IFT74: variants seen among roughly 807,000 people sequenced by gnomAD.
IFT74 encodes the protein intraflagellar transport protein 74 homolog.
In IFT74, 92 loss-of-function variants were observed where a neutral mutation model predicts 96.7. The observed-to-expected ratio is 0.95, with a 90% confidence interval of 0.80 to 1.13. The LOEUF (loss-of-function observed/expected upper bound fraction) is 1.13. Ranked by LOEUF, IFT74 falls within the 50% of genes most tolerant of loss-of-function variation. IFT74 has a pLI of 0.00. For synonymous variants in IFT74, 223 were observed against 213.2 expected (o/e 1.05, Z -0.40); for missense variants, 811 against 698.2 (o/e 1.16, Z -1.82).
At chr9:27,011,050 A>G (rs1343676164) in intron 9 of IFT74, among the ~76,000 whole-genome samples, 1 of 152,106 alleles carries the variant, frequency 6.6e-6, no homozygotes, top group Non-Finnish European at 1.5e-5. Flanking sequence ...CGTTGAAGAA[A>G]AAGTATGGCC....
intron 8 of IFT74, chr9:26,995,729 C>T: frequency 6.2e-7 from 1 of 1,613,844 alleles, no homozygotes; most frequent in Non-Finnish European, 8.5e-7. Context: ...ATGATTATAA[C>T]TAAGCAGAAT....
At chr9:26,956,640 G>T (rs573873151) in intron 1 of IFT74, 124 bp downstream of exon 1, 7 of 152,340 alleles carry the variant, frequency 4.6e-5, no homozygotes, top group Non-Finnish European at 7.3e-5. Flanking sequence ...GTTACCGTCG[G>T]GCCTGTAGCC....
In IFT74 at chr9:27,009,025, A is replaced by G. The variant is rs761800746; in HGVS notation, c.593A>G (p.Glu198Gly). Residue 198 changes from glutamate (E) to glycine (G), a missense_variant, in exon 9 of 20, where the codon GAA becomes GGA. By Grantham distance (98) the Glu-to-Gly change is moderately conservative. Transcript: ENST00000380062. ...TTACGTGCTTCTGATTTTAGGAAAG[A>G]AAAACAAATCAGAAGTGTCGAAGAA... ...DVIFTERQAK[E>G]KQIRSVEEEI... is the part of the protein sequence containing the mutation. 1.1e-5 allele frequency: 17 copies of G among 1,611,108 alleles called. No homozygotes were observed. Among genetic ancestry groups the G allele is most frequent in the Non-Finnish European group, 1.4e-5 (17 of 1,178,388 alleles).
intron 2 of IFT74, among the ~76,000 whole-genome samples, chr9:26,975,402 T>G (rs749901706): frequency 6.6e-6 from 1 of 152,196 alleles, no homozygotes; most frequent in Non-Finnish European, 1.5e-5. Context: ...CCACTCTTCA[T>G]TGGAACCAAA....
chr9:27,055,496 A>G (rs369451378), intron 16 of IFT74, 113 bp from the exon 17 acceptor site: 3 of 714,986 alleles, frequency 4.2e-6, no homozygotes. Context: ...GTGAACATAT[A>G]TTTCTTTTAC....
At chr9:27,028,895 C>T in intron 12 of IFT74, 130 bp from the exon 13 acceptor site, 1 of 786,180 alleles carries the variant, frequency 1.3e-6, no homozygotes. Context: ...ATAGTATTGT[C>T]CTTAGAATAA....
chr9:26,987,781 T>C (rs1275233692), intron 6 of IFT74, among the ~76,000 whole-genome samples: 1 of 152,242 alleles, frequency 6.6e-6, no homozygotes, highest in African/African-American at 2.4e-5. Context: ...TGTAATAGTG[T>C]TTGACACTAG....
chr9:26,951,897 A>G (rs564666760), upstream of IFT74, among the ~76,000 whole-genome samples: 1 of 152,250 alleles, frequency 6.6e-6, no homozygotes, highest in East Asian at 1.9e-4. Flanking sequence ...GACTCTCTCA[A>G]AAAAAAACAA....
At chr9:27,045,291 C>G (rs1050608213) in intron 14 of IFT74, among the ~76,000 whole-genome samples, 1 of 152,122 alleles carries the variant, frequency 6.6e-6, no homozygotes, top group African/African-American at 2.4e-5. Context: ...ACAGTTTCAT[C>G]CCAAAACCAT....
At position 27,048,876 on chromosome 9, in the gene IFT74, A is replaced by G. The variant is rs537817325; in HGVS notation, c.1333+602A>G. The stretch of plus-strand genomic sequence containing the variant: ...TGAGTTGTGGGAGGTACATACAGAT[A>G]TGGTTTGGATTTTTTGTCCCCTCCA... On this transcript the variant is annotated intron_variant, in intron 16 of 19. Transcript: ENST00000380062. Among the ~76,000 whole-genome samples the G allele has an allele frequency of 1.7e-4, 26 of 152,208 alleles. No homozygotes were observed. In the South Asian group the frequency reaches 5.2e-3, roughly 30 times the overall value.
chr9:27,031,453 C>T (rs567278120), intron 13 of IFT74, among the ~76,000 whole-genome samples: 2 of 150,710 alleles, frequency 1.3e-5, no homozygotes, highest in African/African-American at 4.9e-5. Flanking sequence ...GGTGACAGAG[C>T]GAGACTCCGT....
At chr9:27,017,919 C>A (rs1257834379) in intron 11 of IFT74, among the ~76,000 whole-genome samples, 2 of 152,142 alleles carry the variant, frequency 1.3e-5, no homozygotes, top group Non-Finnish European at 2.9e-5. Context: ...GGGCACAGCT[C>A]CAGTCAGGGA....
intron 2 of IFT74, among the ~76,000 whole-genome samples, chr9:26,963,321 G>A (rs1327022439): frequency 6.6e-6 from 1 of 151,982 alleles, no homozygotes. Context: ...GTATTCCATG[G>A]TGTATATGTG....
intron 10 of IFT74, among the ~76,000 whole-genome samples, chr9:27,014,566 A>G (rs532773033): frequency 1.8e-4 from 28 of 152,182 alleles, no homozygotes; most frequent in Non-Finnish European, 3.5e-4. Context: ...TTAAGATAAC[A>G]TGTCACTAAT....
At chr9:27,015,700 G>A (rs148911765) in intron 10 of IFT74, among the ~76,000 whole-genome samples, 5 of 152,022 alleles carry the variant, frequency 3.3e-5, no homozygotes, top group African/African-American at 4.8e-5. Flanking sequence ...TTGTAGGTCC[G>A]GTTTCAAATG....
chr9:27,060,478 G>GTT, intron 18 of IFT74, 113 bp from the exon 19 acceptor site: 1 of 529,214 alleles, frequency 1.9e-6, no homozygotes, highest in Non-Finnish European at 3.3e-6. Flanking sequence ...TCAATAAAAT[G>GTT]TAAGTTGATA....
At chr9:27,055,845 G>T in intron 17 of IFT74, 73 bp downstream of exon 17, 2 of 950,638 alleles carry the variant, frequency 2.1e-6, no homozygotes, top group South Asian at 2.5e-5. Context: ...ATATATTTGT[G>T]GTTTATAGGA....
At chr9:26,947,632 T>A (rs1171101263) in intron 1 of IFT74, among the ~76,000 whole-genome samples, 1 of 152,234 alleles carries the variant, frequency 6.6e-6, no homozygotes, top group South Asian at 2.1e-4. Context: ...TCCTCACTGC[T>A]TTTCCCTGAG....
chr9:26,948,513 A>C (rs1825829559), intron 1 of IFT74, among the ~76,000 whole-genome samples: 1 of 110,204 alleles, frequency 9.1e-6, no homozygotes, highest in African/African-American at 3.5e-5. Context: ...CTCTGCTGCC[A>C]GGCTGAGTGC....
Sources: allele counts gnomAD v4.1 joint callset (sites outside exome capture counted in the v4.1 genomes callset), GRCh38; gene constraint gnomAD v4.1.1; transcripts MANE v1.5; gene names NCBI Gene and HGNC (gene_info 2026-07-23, HGNC 2026-07-21).